The following CCDC91 variants were observed in gnomAD, a reference collection of about 807,000 sequenced individuals.
The protein encoded by CCDC91 is coiled-coil domain-containing protein 91.
A neutral mutation model predicts 63.2 loss-of-function variants in CCDC91; 48 were observed. The ratio of observed to expected loss-of-function variants is 0.76; its 90% CI spans 0.60 to 0.97. The LOEUF is 0.97. Ranked by LOEUF, CCDC91 falls within the 50% of genes least tolerant of loss-of-function variation. The pLI, the probability that CCDC91 is intolerant of heterozygous loss-of-function variation, is 0.00. For missense variants in CCDC91, 500 were observed against 494.6 expected, an observed-to-expected ratio of 1.01 and a Z score of -0.10; for synonymous variants, 167 against 165.8, an observed-to-expected ratio of 1.01 and a Z score of -0.06.
intron 12 of CCDC91, among the ~76,000 whole-genome samples, chr12:28,492,046 C>A (rs1952041187): frequency 6.6e-6 from 1 of 151,724 alleles, no homozygotes; most frequent in Admixed American, 6.6e-5. Flanking sequence ...TCACTGTTCT[C>A]ACTCCAGCCC....
At chr12:28,529,366 C>A (rs1941548995) in intron 12 of CCDC91, among the ~76,000 whole-genome samples, 1 of 152,140 alleles carries the variant, frequency 6.6e-6, no homozygotes. Flanking sequence ...CATAAGGGGA[C>A]GTGATGACTG....
chr12:28,361,023 T>C (rs1393967564), intron 6 of CCDC91, among the ~76,000 whole-genome samples: 1 of 151,702 alleles, frequency 6.6e-6, no homozygotes, highest in African/African-American at 2.4e-5. Flanking sequence ...TAAAATTTTA[T>C]GTAAAATGTT....
At chr12:28,296,773 T>A (rs1949588357) in intron 3 of CCDC91, among the ~76,000 whole-genome samples, 2 of 151,942 alleles carry the variant, frequency 1.3e-5, no homozygotes, top group African/African-American at 2.4e-5. Flanking sequence ...TAGTTTCAAA[T>A]TTTTTTTAGT....
intron 7 of CCDC91, among the ~76,000 whole-genome samples, chr12:28,374,727 A>T (rs1944839463): frequency 6.6e-6 from 1 of 152,120 alleles, no homozygotes; most frequent in Admixed American, 6.6e-5. Context: ...TGATTCACCT[A>T]GAAATAGTCC....
intron 8 of CCDC91, among the ~76,000 whole-genome samples, chr12:28,437,483 TAA>T (rs1948972577): frequency 6.6e-6 from 1 of 152,074 alleles, no homozygotes; most frequent in Non-Finnish European, 1.5e-5. Context: ...TTTCGTGATA[TAA>T]GAGTTTTTAT....
At chr12:28,445,673 G>T (rs1447289818) in intron 8 of CCDC91, among the ~76,000 whole-genome samples, 1 of 152,190 alleles carries the variant, frequency 6.6e-6, no homozygotes, top group African/African-American at 2.4e-5. Flanking sequence ...ACCCACCATA[G>T]ACTGGCTTAA....
At chr12:28,384,389 CTA>C (rs1945474937) in intron 7 of CCDC91, among the ~76,000 whole-genome samples, 1 of 152,010 alleles carries the variant, frequency 6.6e-6, no homozygotes, top group Non-Finnish European at 1.5e-5. Flanking sequence ...ATCTTTAATT[CTA>C]GAGCATATAC....
At chr12:28,337,111 A>G (rs913994729) in intron 6 of CCDC91, among the ~76,000 whole-genome samples, 4 of 152,070 alleles carry the variant, frequency 2.6e-5, no homozygotes, top group Non-Finnish European at 4.4e-5. Flanking sequence ...ATCCAGGTCA[A>G]TTGCCCCCAG....
chr12:28,337,357 A>G (rs1362029731), intron 6 of CCDC91, among the ~76,000 whole-genome samples: 1 of 152,130 alleles, frequency 6.6e-6, no homozygotes, highest in Non-Finnish European at 1.5e-5. Flanking sequence ...AACCTGCCCC[A>G]TTTTAAAAAT....
intron 1 of CCDC91, among the ~76,000 whole-genome samples, chr12:28,206,270 G>C (rs1392580088): frequency 6.6e-6 from 1 of 152,160 alleles, no homozygotes; most frequent in Non-Finnish European, 1.5e-5. Context: ...TCAGGTGAGA[G>C]TGTGACCAAA....
chr12:28,206,736 A>G (rs376798703), intron 1 of CCDC91, among the ~76,000 whole-genome samples: 49 of 152,350 alleles, frequency 3.2e-4, no homozygotes, highest in African/African-American at 1.2e-3. Flanking sequence ...ACTATTTAGC[A>G]TGACTTTTAC....
chr12:28,353,640 G>A (rs1943328706), intron 6 of CCDC91, among the ~76,000 whole-genome samples: 1 of 152,038 alleles, frequency 6.6e-6, no homozygotes, highest in African/African-American at 2.4e-5. Flanking sequence ...GGAAATGGCT[G>A]GTTTTTCAGT....
rs150266193 is a variant in CCDC91 at position 28,294,153 on chromosome 12, C to T, written c.110-11496C>T. Among the ~76,000 whole-genome samples, 85 of 152,130 alleles carry T rather than the reference C, an allele frequency of 5.6e-4. No homozygotes were observed. The Middle Eastern group carries it at 0.017, about 30-fold the overall frequency. On this transcript the variant is annotated intron_variant, in intron 3 of 12. Coordinates refer to ENST00000536442, the MANE Select transcript of CCDC91 (RefSeq NM_018318.5). ...TATGAAATGGTTGTTATAGGGAGGA[C>T]GAAATAAGTTGACACACACACAAAA...
At chr12:28,344,668 A>G (rs1942682011) in intron 6 of CCDC91, among the ~76,000 whole-genome samples, 1 of 152,158 alleles carries the variant, frequency 6.6e-6, no homozygotes, top group Non-Finnish European at 1.5e-5. Context: ...TATGCTATCT[A>G]CTTTGAATGC....
chr12:28,469,366 A>G (rs1319336040), intron 11 of CCDC91, among the ~76,000 whole-genome samples: 1 of 152,104 alleles, frequency 6.6e-6, no homozygotes, highest in East Asian at 1.9e-4. Context: ...ATGTTTGGGA[A>G]TTAACCTAAC....
chr12:28,462,992 A>T (rs1400543142), intron 11 of CCDC91, among the ~76,000 whole-genome samples: 1 of 152,158 alleles, frequency 6.6e-6, no homozygotes, highest in Non-Finnish European at 1.5e-5. Flanking sequence ...CTCAGAGAGC[A>T]TGGCATGTCC....
intron 12 of CCDC91, among the ~76,000 whole-genome samples, chr12:28,488,606 T>C (rs1486117725): frequency 6.6e-6 from 1 of 151,820 alleles, no homozygotes; most frequent in African/African-American, 2.4e-5. Flanking sequence ...TTTACAACTT[T>C]ACTGTGGAAT....
chr12:28,459,889 C>G (rs1165360025), intron 11 of CCDC91, among the ~76,000 whole-genome samples: 1 of 152,178 alleles, frequency 6.6e-6, no homozygotes, highest in Non-Finnish European at 1.5e-5. Context: ...ATGTCTTAGA[C>G]ATTCATTTGT....
Position 28,315,083 on chromosome 12 carries a change from A to G in CCDC91, c.576+7334A>G, listed in dbSNP as rs763733240. On this transcript the variant is annotated intron_variant, in intron 6 of 12. Coordinates refer to ENST00000536442, the MANE Select transcript of CCDC91 (RefSeq NM_018318.5). ...TATATAGTGTAGAAAAGTTTATTCA[A>G]ACCAAACAGGTAGAATTATTTATAT... Among the ~76,000 whole-genome samples the G allele has an allele frequency of 1.8e-4, 27 of 151,892 alleles. 1 individual carries two copies. Among genetic ancestry groups the G allele is most frequent in the Non-Finnish European group, 1.6e-4 (11 of 67,942 alleles).
Sources: allele counts gnomAD v4.1 joint callset (sites outside exome capture counted in the v4.1 genomes callset), GRCh38; gene constraint gnomAD v4.1.1; transcripts MANE v1.5; gene names NCBI Gene and HGNC (gene_info 2026-07-23, HGNC 2026-07-21).